The following CNTN5 variants were observed in gnomAD, a reference collection of about 807,000 sequenced individuals.
The protein encoded by CNTN5 is contactin-5.
CNTN5 carries 77 observed loss-of-function variants against 129.1 expected under a neutral mutation model. The ratio of observed to expected loss-of-function variants is 0.60; its 90% CI spans 0.50 to 0.72. The LOEUF is 0.72. Ranked by LOEUF, CNTN5 falls within the 30% of genes least tolerant of loss-of-function variation. The pLI is 0.00. For missense variants in CNTN5, 1,478 were observed against 1,328.8 expected (o/e 1.11, Z -1.75); for synonymous variants, 509 against 465.6 (o/e 1.09, Z -1.20).
chr11:99,505,955 T>A (rs139650327), intron 2 of CNTN5, among the ~76,000 whole-genome samples: 1 of 152,336 alleles, frequency 6.6e-6, no homozygotes, highest in East Asian at 1.9e-4. Flanking sequence ...TTAACTAGTG[T>A]GTGTTCTTTT....
chr11:100,320,301 T>C (rs1328036320), intron 21 of CNTN5, among the ~76,000 whole-genome samples: 1 of 152,182 alleles, frequency 6.6e-6, no homozygotes, highest in Non-Finnish European at 1.5e-5. Flanking sequence ...ATTAGTGAGA[T>C]TGAGCATTTT....
intron 1 of CNTN5, among the ~76,000 whole-genome samples, chr11:99,157,860 A>G (rs552137954): frequency 6.6e-6 from 1 of 152,316 alleles, no homozygotes; most frequent in Admixed American, 6.5e-5. Context: ...AGGCAGATGG[A>G]TAAATAAATA....
chr11:99,406,136 G>T (rs922618251), intron 2 of CNTN5, among the ~76,000 whole-genome samples: 4 of 151,672 alleles, frequency 2.6e-5, no homozygotes, highest in Admixed American at 6.6e-5. Flanking sequence ...ACGCATTGGA[G>T]AGTTAGATAT....
At chr11:99,256,752 A>G (rs1299598528) in intron 1 of CNTN5, among the ~76,000 whole-genome samples, 1 of 152,088 alleles carries the variant, frequency 6.6e-6, no homozygotes, top group Non-Finnish European at 1.5e-5. Context: ...TAGATAATAT[A>G]AACAGAACAA....
chr11:99,508,733 G>A (rs1240765701), intron 2 of CNTN5, among the ~76,000 whole-genome samples: 1 of 149,470 alleles, frequency 6.7e-6, no homozygotes, highest in East Asian at 1.9e-4. Context: ...AGGCTGGAGT[G>A]CGGTGTGGCG....
At chr11:100,009,786 T>C (rs759121845) in intron 9 of CNTN5, among the ~76,000 whole-genome samples, 2 of 152,128 alleles carry the variant, frequency 1.3e-5, no homozygotes, top group Non-Finnish European at 2.9e-5. Flanking sequence ...TGGGTCAGGA[T>C]TGGAAACGAA....
At chr11:100,006,313 C>T (rs987024586) in intron 9 of CNTN5, among the ~76,000 whole-genome samples, 2 of 152,032 alleles carry the variant, frequency 1.3e-5, no homozygotes, top group Non-Finnish European at 2.9e-5. Context: ...AAGAAGACAA[C>T]AATAAGGTTT....
chr11:99,762,647 C>G (rs575265414), intron 3 of CNTN5, among the ~76,000 whole-genome samples: 1 of 152,020 alleles, frequency 6.6e-6, no homozygotes, highest in African/African-American at 2.4e-5. Flanking sequence ...GTACCAGTAC[C>G]ATGCTGTTTT....
chr11:99,599,796 G>A (rs994813697), intron 3 of CNTN5, among the ~76,000 whole-genome samples: 4 of 152,070 alleles, frequency 2.6e-5, no homozygotes, highest in African/African-American at 9.7e-5. Context: ...ATTAGGCACA[G>A]ACACTTTGTC....
intron 24 of CNTN5, among the ~76,000 whole-genome samples, chr11:100,352,259 G>A (rs1952434341): frequency 6.6e-6 from 1 of 151,444 alleles, no homozygotes; most frequent in African/African-American, 2.4e-5. Context: ...TACAATACTT[G>A]ATAAGTTCTC....
At chr11:100,302,580 C>CA (rs1951248126) in intron 20 of CNTN5, among the ~76,000 whole-genome samples, 1 of 151,508 alleles carries the variant, frequency 6.6e-6, no homozygotes, top group Non-Finnish European at 1.5e-5. Context: ...GCCTTAAGCA[C>CA]TGTGAAAAAG....
chr11:99,309,836 A>G (rs1385111637), intron 1 of CNTN5, among the ~76,000 whole-genome samples: 1 of 152,318 alleles, frequency 6.6e-6, no homozygotes, highest in South Asian at 2.1e-4. Flanking sequence ...TTTAACTATT[A>G]ATATACATTA....
intron 2 of CNTN5, among the ~76,000 whole-genome samples, chr11:99,387,756 G>A (rs544588894): frequency 8.5e-5 from 13 of 152,148 alleles, no homozygotes; most frequent in South Asian, 2.1e-4. Flanking sequence ...TTGACCTTAT[G>A]CTGGGATATT....
At position 99,609,052 on chromosome 11, in the gene CNTN5, A is replaced by T. The variant is rs191385883; in HGVS notation, c.55+52783A>T. ...ATGCCAGTTTCACATGACTATTCCCAAATGTCTCCCTTTCTTCCTGGAAAT... is the reference window on the plus strand; with the variant it reads ...ATGCCAGTTTCACATGACTATTCCCTAATGTCTCCCTTTCTTCCTGGAAAT... On this transcript the variant is annotated intron_variant, in intron 3 of 24. Coordinates refer to ENST00000524871, the MANE Select transcript of CNTN5 (RefSeq NM_014361.4). Among the ~76,000 whole-genome samples the T allele has an allele frequency of 2.9e-4, 44 of 152,268 alleles. 1 individual carries two copies. Among genetic ancestry groups the T allele is most frequent in the Admixed American group, 2.5e-3 (38 of 15,268 alleles).
At chr11:99,941,738 C>T (rs1288577347) in intron 7 of CNTN5, among the ~76,000 whole-genome samples, 17 of 151,906 alleles carry the variant, frequency 1.1e-4, no homozygotes, top group Non-Finnish European at 1.3e-4. Context: ...CTGGGGAATG[C>T]GTGTTTGAGG....
At chr11:99,571,921 G>A (rs1290385297) in intron 3 of CNTN5, among the ~76,000 whole-genome samples, 1 of 152,086 alleles carries the variant, frequency 6.6e-6, no homozygotes, top group African/African-American at 2.4e-5. Flanking sequence ...AGACTTTGAA[G>A]AAAGTAATAT....
At chr11:99,526,434 G>A (rs193001999) in intron 2 of CNTN5, among the ~76,000 whole-genome samples, 39 of 152,300 alleles carry the variant, frequency 2.6e-4, no homozygotes, top group Admixed American at 1.0e-3. Context: ...CGAGAAGTCC[G>A]GAACTGGCTT....
At chr11:99,927,588 A>G (rs1312614783) in intron 7 of CNTN5, among the ~76,000 whole-genome samples, 1 of 152,070 alleles carries the variant, frequency 6.6e-6, no homozygotes, top group Non-Finnish European at 1.5e-5. Context: ...TTGCCAAGCA[A>G]AAGGCGGAAA....
At chr11:99,456,595 A>G (rs970539605) in intron 2 of CNTN5, among the ~76,000 whole-genome samples, 1 of 152,072 alleles carries the variant, frequency 6.6e-6, no homozygotes. Context: ...AGAAGAGTTC[A>G]TCTCAAAAAA....
Sources: allele counts gnomAD v4.1 joint callset (sites outside exome capture counted in the v4.1 genomes callset), GRCh38; gene constraint gnomAD v4.1.1; transcripts MANE v1.5; gene names NCBI Gene and HGNC (gene_info 2026-07-23, HGNC 2026-07-21).